Variants in ARHGAP20 observed in about 807,000 individuals in gnomAD.
ARHGAP20 encodes Rho GTPase activating protein 20, also known as rho GTPase-activating protein 20.
Under a neutral mutation model 73.7 loss-of-function variants are expected in ARHGAP20, and 34 were observed. That is an observed-to-expected ratio of 0.46 (90% CI 0.35 to 0.61). The LOEUF is 0.61. Among genes scored for constraint, ARHGAP20 ranks in the 20% least tolerant of loss-of-function variants. ARHGAP20 has a pLI of 0.00. For synonymous variants in ARHGAP20, 523 were observed against 518.2 expected, an observed-to-expected ratio of 1.01 and a Z score of -0.13; for missense variants, 1,314 against 1,420.9, an observed-to-expected ratio of 0.92 and a Z score of 1.21.
chr11:110,701,206 T>C (rs1469017922), intron 1 of ARHGAP20, among the ~76,000 whole-genome samples: 1 of 150,864 alleles, frequency 6.6e-6, no homozygotes, highest in Non-Finnish European at 1.5e-5. Flanking sequence ...AGTCCAACAG[T>C]GTAAAAGTGT....
At chr11:110,670,240 AAATC>A (rs1227341556) in intron 2 of ARHGAP20, among the ~76,000 whole-genome samples, 1 of 152,108 alleles carries the variant, frequency 6.6e-6, no homozygotes, top group Non-Finnish European at 1.5e-5. Flanking sequence ...TCTCAAAAAT[AAATC>A]AATGAAATAT....
intron 2 of ARHGAP20, among the ~76,000 whole-genome samples, chr11:110,681,469 T>C (rs1428117363): frequency 6.6e-6 from 1 of 152,288 alleles, no homozygotes; most frequent in African/African-American, 2.4e-5. Context: ...CCCATTACTA[T>C]ATCTGAAAGG....
chr11:110,629,601 C>T (rs1022489157), intron 3 of ARHGAP20, among the ~76,000 whole-genome samples: 4 of 152,300 alleles, frequency 2.6e-5, no homozygotes, highest in East Asian at 1.9e-4. Context: ...CATTCTGAAA[C>T]GGTTCTTATC....
At chr11:110,634,298 C>T (rs957352607) in intron 2 of ARHGAP20, among the ~76,000 whole-genome samples, 2 of 152,144 alleles carry the variant, frequency 1.3e-5, no homozygotes, top group Middle Eastern at 3.4e-3. Flanking sequence ...AGCAGCTGAA[C>T]ACTAGAAGGT....
At chr11:110,662,081 T>C (rs1207456978) in intron 2 of ARHGAP20, among the ~76,000 whole-genome samples, 1 of 151,944 alleles carries the variant, frequency 6.6e-6, no homozygotes, top group Non-Finnish European at 1.5e-5. Context: ...TACAGCTATA[T>C]CATTATGTGA....
intron 2 of ARHGAP20, among the ~76,000 whole-genome samples, chr11:110,673,111 A>G (rs2135072816): frequency 6.6e-6 from 1 of 152,344 alleles, no homozygotes; most frequent in South Asian, 2.1e-4. Flanking sequence ...GGACTAACAC[A>G]AAAGAAATAT....
chr11:110,674,213 C>T (rs1049339157), intron 2 of ARHGAP20, among the ~76,000 whole-genome samples: 1 of 152,094 alleles, frequency 6.6e-6, no homozygotes, highest in African/African-American at 2.4e-5. Flanking sequence ...GGATTACAGG[C>T]GTGAGCCACC....
At chr11:110,588,295 G>T (rs140397661) in intron 11 of ARHGAP20, among the ~76,000 whole-genome samples, 3 of 152,326 alleles carry the variant, frequency 2.0e-5, no homozygotes, top group African/African-American at 7.2e-5. Flanking sequence ...AAAGTCATCT[G>T]AGATGAGATA....
In ARHGAP20 at chr11:110,581,042, G is replaced by A; in HGVS notation, c.1904C>T (p.Thr635Ile). 1.2e-6 allele frequency: 2 copies of A among 1,614,174 alleles called. No homozygotes were observed. The highest frequency in any genetic ancestry group is 1.7e-6 in the Non-Finnish European group (2 of 1,180,040). The change falls in exon 15 of 15, where the codon ACC becomes ATC. Residue 635 changes from threonine (T) to isoleucine (I), a missense_variant. Physicochemically the swap from Thr to Ile is moderately conservative, Grantham distance 89. Transcript: ENST00000683387. ...ATGGGCCAAGTCAAAGTCGCTTAGG[G>A]TTAAAAGGCCTTCCACCTCGGGCTG... ...LDQPEVEGLL[T>I]LSDFDLAHSK... is the part of the protein sequence containing the mutation.
intron 4 of ARHGAP20, among the ~76,000 whole-genome samples, chr11:110,620,859 G>T (rs1477915031): frequency 6.6e-6 from 1 of 151,852 alleles, no homozygotes. Context: ...ATCACCTGAG[G>T]TCAGGAGTTT....
At chr11:110,657,557 G>A (rs970660595) in intron 2 of ARHGAP20, among the ~76,000 whole-genome samples, 5 of 152,054 alleles carry the variant, frequency 3.3e-5, no homozygotes, top group Admixed American at 2.0e-4. Flanking sequence ...ACAAACAGAA[G>A]GGGAGTATAT....
intron 2 of ARHGAP20, among the ~76,000 whole-genome samples, chr11:110,641,441 A>G (rs1326703726): frequency 3.3e-5 from 5 of 152,096 alleles, no homozygotes; most frequent in Non-Finnish European, 7.4e-5. Context: ...TCAAGAAGGA[A>G]AGGAACAAGA....
chr11:110,625,151 C>T (rs1948714595), intron 3 of ARHGAP20, among the ~76,000 whole-genome samples: 1 of 150,316 alleles, frequency 6.7e-6, no homozygotes, highest in African/African-American at 2.4e-5. Context: ...CATTCTCCTG[C>T]CTCAGCCTCC....
At chr11:110,584,277 G>T (rs892596729) in intron 12 of ARHGAP20, among the ~76,000 whole-genome samples, 1 of 152,068 alleles carries the variant, frequency 6.6e-6, no homozygotes, top group African/African-American at 2.4e-5. Context: ...CTGTTTCATT[G>T]TATCACTTTC....
chr11:110,681,487 T>C (rs1003460909), intron 2 of ARHGAP20, among the ~76,000 whole-genome samples: 3 of 152,196 alleles, frequency 2.0e-5, no homozygotes, highest in African/African-American at 7.2e-5. Flanking sequence ...AGGTCCACAC[T>C]AAACTGTCAC....
At chr11:110,636,175 C>A (rs143952191) in intron 2 of ARHGAP20, among the ~76,000 whole-genome samples, 2 of 152,124 alleles carry the variant, frequency 1.3e-5, no homozygotes, top group East Asian at 3.9e-4. Context: ...TGGGCCATGC[C>A]ATTTCTGTCA....
chr11:110,712,800 C>A (rs1208738908), upstream of ARHGAP20: 1 of 152,512 alleles, frequency 6.6e-6, no homozygotes, highest in Non-Finnish European at 1.5e-5. Context: ...GGCGCCCCTG[C>A]AGCGCGTGCA....
At chr11:110,693,613 T>C (rs924172054) in intron 1 of ARHGAP20, among the ~76,000 whole-genome samples, 2 of 151,966 alleles carry the variant, frequency 1.3e-5, no homozygotes, top group African/African-American at 2.4e-5. Context: ...CTTATCTCTT[T>C]CTTTTGCTTA....
Position 110,578,712 on chromosome 11 carries a change from A to G in ARHGAP20, c.*658T>C. 1.0e-6 allele frequency: 1 copy of G among 985,440 alleles called. No homozygotes were observed. The highest frequency in any genetic ancestry group is 1.2e-6 in the Non-Finnish European group (1 of 829,928). The allele number at this position is 985,440 out of a possible 1,614,324, so 61.0% of individuals were successfully genotyped here. The stretch of plus-strand genomic sequence containing the variant: ...TGAATGAAAAAACAAACCGACAAAT[A>G]CAACCAACAAAACTGATATCATGGT... On this transcript the variant is annotated 3_prime_UTR_variant, in exon 15 of 15. Coordinates refer to ENST00000683387, the MANE Select transcript of ARHGAP20 (RefSeq NM_001384657.1).
Sources: gnomAD v4.1 joint callset for allele counts (sites outside exome capture counted in the v4.1 genomes callset) on GRCh38, gnomAD v4.1.1 for gene constraint, MANE v1.5 for transcripts, NCBI Gene and HGNC (gene_info 2026-07-23, HGNC 2026-07-21) for gene names.